NRXN3: variants seen among roughly 807,000 people sequenced by gnomAD.
NRXN3 encodes the protein neurexin III.
In NRXN3, 32 loss-of-function variants were observed where a neutral mutation model predicts 137.6. The ratio of observed to expected loss-of-function variants is 0.23; its 90% confidence interval spans 0.18 to 0.31. The LOEUF (loss-of-function observed/expected upper bound fraction) is 0.31, where lower values mean the gene tolerates loss of function less well. Ranked by LOEUF, NRXN3 falls within the 10% of genes least tolerant of loss-of-function variation. The probability of loss-of-function intolerance (pLI) is 1.00; values close to 1 mark genes in which losing one functional copy is unlikely to be tolerated. For missense variants in NRXN3, 1,574 were observed against 2,062.5 expected (o/e 0.76, Z 4.59); for synonymous variants, 798 against 784.5 (o/e 1.02, Z -0.29).
At chr14:79,635,680 G>A (rs867855578) in intron 16 of NRXN3, among the ~76,000 whole-genome samples, 13 of 152,212 alleles carry the variant, frequency 8.5e-5, no homozygotes, top group Middle Eastern at 3.4e-3. Flanking sequence ...ATCAAATGGC[G>A]TTTTCCCTGT....
In NRXN3 at chr14:78,778,738, CTTTCTTTCTTTCCTTCTT is replaced by C. The variant is rs1436695478; in HGVS notation, c.2045-24880_2045-24863del. The stretch of plus-strand genomic sequence containing the variant: ...TCTTTCTTTCTTTCTTTCTCTCTCT[CTTTCTTTCTTTCCTTCTT>C]TCTCTTTCTTTCTTTCTTTCTTTCT... On this transcript the variant is annotated intron_variant, in intron 8 of 20. Coordinates refer to ENST00000335750, the MANE Select transcript of NRXN3 (RefSeq NM_001330195.2). Among the ~76,000 whole-genome samples, 495 of 133,478 alleles carry C rather than the reference CTTTCTTTCTTTCCTTCTT, an allele frequency of 3.7e-3. 1 individual carries two copies. Among genetic ancestry groups the C allele is most frequent in the African/African-American group, 8.6e-3 (300 of 34,764 alleles). 87.6% of individuals were successfully genotyped at this position (133,478 alleles called of 152,430 possible).
intron 4 of NRXN3, among the ~76,000 whole-genome samples, chr14:78,367,398 TAATC>T (rs1231556148): frequency 1.1e-4 from 17 of 152,120 alleles, no homozygotes; most frequent in Admixed American, 1.1e-3. Flanking sequence ...ATCAATCAAT[TAATC>T]AATCTTCATC....
chr14:79,096,520 C>T lies in NRXN3; in HGVS notation c.3262+108379C>T, dbSNP rs1467485530. On this transcript the variant is annotated intron_variant, in intron 15 of 20. Transcript: ENST00000335750. ...TCCACCACTAATAACTATGAGACTG[C>T]AGGCAGTTTTTAACTTCTCTGAGCC... 2.6e-5 allele frequency among the ~76,000 whole-genome samples: 4 copies of T among 152,154 alleles called. No individual in the cohort carries two copies. The South Asian group carries it at 8.3e-4, about 32-fold the overall frequency.
chr14:79,722,744 A>G (rs1235336111), intron 19 of NRXN3, among the ~76,000 whole-genome samples: 5 of 152,064 alleles, frequency 3.3e-5, no homozygotes, highest in African/African-American at 1.2e-4. Context: ...CTCTCCTAAT[A>G]GATGTTAGGA....
intron 15 of NRXN3, among the ~76,000 whole-genome samples, chr14:79,175,464 G>GGA (rs2062234776): frequency 1.3e-5 from 2 of 152,158 alleles, no homozygotes; most frequent in South Asian, 4.1e-4. Flanking sequence ...AAACTTACAA[G>GGA]TATCCATTGC....
intron 1 of NRXN3, among the ~76,000 whole-genome samples, chr14:78,222,677 A>G (rs953824750): frequency 3.3e-5 from 5 of 152,172 alleles, no homozygotes; most frequent in Non-Finnish European, 7.3e-5. Flanking sequence ...AAATGGAGAC[A>G]CAGTGATAGA....
intron 19 of NRXN3, among the ~76,000 whole-genome samples, chr14:79,735,401 T>G (rs528791215): frequency 2.6e-5 from 4 of 152,304 alleles, no homozygotes; most frequent in Non-Finnish European, 5.9e-5. Flanking sequence ...CAAGTCATGG[T>G]TGAAGAGAAG....
intron 6 of NRXN3, among the ~76,000 whole-genome samples, chr14:78,692,247 T>C (rs1414035392): frequency 1.3e-5 from 2 of 152,178 alleles, no homozygotes; most frequent in Non-Finnish European, 2.9e-5. Flanking sequence ...CTTGACTTCT[T>C]CTCAAGATAT....
At chr14:78,657,025 C>T (rs997399738) in intron 6 of NRXN3, among the ~76,000 whole-genome samples, 18 of 112,964 alleles carry the variant, frequency 1.6e-4, no homozygotes, top group African/African-American at 4.6e-4. Context: ...CCAGCCTGGG[C>T]GACAGAGTGA....
intron 15 of NRXN3, among the ~76,000 whole-genome samples, chr14:79,362,533 A>T (rs1044703028): frequency 1.3e-5 from 2 of 152,216 alleles, no homozygotes; most frequent in Admixed American, 1.3e-4. Context: ...AAAACTGATT[A>T]GACATAGACA....
At position 79,861,778 on chromosome 14, in the gene NRXN3, C is replaced by T. The variant is rs2099414243; in HGVS notation, c.4530C>T (p.Ile1510=). The part of the protein sequence containing the change: ...VGIVAAAALC[I]LILLYAMYKY... ...TTGTGGCTGCTGCCGCCCTCTGCAT[C>T]TTGATCCTCCTGTACGCCATGTACA... is the stretch of plus-strand genomic sequence containing the variant. The change falls in exon 21 of 21, where the codon ATC becomes ATT. Residue 1510 remains isoleucine (I), a synonymous_variant. Transcript: ENST00000335750. The surrounding 1 kb of genome is among the most constrained non-coding windows in gnomAD (Gnocchi z 5.4). 1 of 1,613,984 alleles carries T rather than the reference C, an allele frequency of 6.2e-7. No individual in the cohort carries two copies. Among genetic ancestry groups the T allele is most frequent in the South Asian group, 1.1e-5 (1 of 91,076 alleles).
chr14:78,312,433 C>T lies in NRXN3; in HGVS notation c.757+14573C>T, dbSNP rs774627036. Among the ~76,000 whole-genome samples the T allele has an allele frequency of 1.3e-3, 197 of 152,094 alleles. 4 individuals are homozygous for T. Among genetic ancestry groups the T allele is most frequent in the Non-Finnish European group, 7.2e-4 (49 of 68,018 alleles). On this transcript the variant is annotated intron_variant, in intron 4 of 20. Transcript: ENST00000335750. ...GTCCCATGTTGACTATTTATAACAG[C>T]GTGGATGCATGTTGAGTGCAATAAA...
intron 15 of NRXN3, chr14:78,988,425 G>A (rs2099511630): frequency 2.6e-6 from 1 of 382,704 alleles, no homozygotes; most frequent in Non-Finnish European, 4.9e-6. Flanking sequence ...ACCATTTCAG[G>A]CAATATTTTT....
At chr14:79,203,718 C>A (rs1339416442) in intron 15 of NRXN3, among the ~76,000 whole-genome samples, 1 of 152,148 alleles carries the variant, frequency 6.6e-6, no homozygotes, top group Non-Finnish European at 1.5e-5. Flanking sequence ...GAGCTTCAGT[C>A]TCCTTGTCTA....
At chr14:79,745,035 A>AAT (rs372465872) in intron 19 of NRXN3, among the ~76,000 whole-genome samples, 2 of 149,816 alleles carry the variant, frequency 1.3e-5, no homozygotes, top group Non-Finnish European at 1.5e-5. Flanking sequence ...AAAAAAAAAA[A>AAT]GCAGGTAGAA....
At chr14:79,212,146 C>T (rs998159533) in intron 15 of NRXN3, among the ~76,000 whole-genome samples, 1 of 152,162 alleles carries the variant, frequency 6.6e-6, no homozygotes, top group Non-Finnish European at 1.5e-5. Flanking sequence ...ATTGTCTCAG[C>T]AGCCAGGAAA....
At chr14:79,773,518 T>C (rs1264071139) in intron 19 of NRXN3, among the ~76,000 whole-genome samples, 1 of 151,126 alleles carries the variant, frequency 6.6e-6, no homozygotes, top group African/African-American at 2.4e-5. Context: ...CTCAGTAAAC[T>C]ATCGCAAGAA....
intron 15 of NRXN3, among the ~76,000 whole-genome samples, chr14:79,225,316 C>G (rs1392184066): frequency 6.6e-6 from 1 of 152,120 alleles, no homozygotes; most frequent in Non-Finnish European, 1.5e-5. Flanking sequence ...TCTTGCTTTA[C>G]CTTGAAGAAG....
intron 16 of NRXN3, among the ~76,000 whole-genome samples, chr14:79,531,663 C>T (rs953705230): frequency 1.3e-5 from 2 of 152,120 alleles, no homozygotes; most frequent in African/African-American, 4.8e-5. Context: ...AGGTCATGAT[C>T]TTTAGTATCA....
Sources: allele counts gnomAD v4.1 joint callset (sites outside exome capture counted in the v4.1 genomes callset), GRCh38; gene constraint gnomAD v4.1.1; non-coding constraint Gnocchi (gnomAD v3.1); transcripts MANE v1.5; gene names NCBI Gene and HGNC (gene_info 2026-07-23, HGNC 2026-07-21).